Variants in AEBP2 observed in about 807,000 individuals in gnomAD.
The protein encoded by AEBP2 is AE binding protein 2.
AEBP2 carries 10 observed loss-of-function variants against 50.8 expected under a neutral mutation model. That is an observed-to-expected ratio of 0.20 (90% CI 0.12 to 0.33). The LOEUF is 0.33. Ranked by LOEUF, AEBP2 falls within the 10% of genes least tolerant of loss-of-function variation. The probability of loss-of-function intolerance (pLI) is 1.00; values close to 1 mark genes in which losing one functional copy is unlikely to be tolerated. For synonymous variants in AEBP2, 296 were observed against 261.3 expected, an observed-to-expected ratio of 1.13 and a Z score of -1.28; for missense variants, 570 against 688.0, an observed-to-expected ratio of 0.83 and a Z score of 1.92.
chr12:19,497,587 G>C (rs79283586), intron 4 of AEBP2, among the ~76,000 whole-genome samples: 1 of 151,898 alleles, frequency 6.6e-6, no homozygotes, highest in African/African-American at 2.4e-5. Context: ...ATTCCCGTGC[G>C]TCAGCTTCTT....
chr12:19,424,917 G>T (rs2095747766), intron 1 of AEBP2, among the ~76,000 whole-genome samples: 1 of 152,066 alleles, frequency 6.6e-6, no homozygotes, highest in African/African-American at 2.4e-5. Context: ...GCTGAGGCGG[G>T]AGAATCACTT....
chr12:19,445,504 G>A (rs1342417621), intron 1 of AEBP2, among the ~76,000 whole-genome samples: 2 of 151,878 alleles, frequency 1.3e-5, no homozygotes, highest in East Asian at 1.9e-4. Flanking sequence ...ATGAGCCACC[G>A]TGCCCGGCCT....
chr12:19,405,314 A>G (rs1236826478), intron 1 of AEBP2, among the ~76,000 whole-genome samples: 1 of 150,684 alleles, frequency 6.6e-6, no homozygotes, highest in Non-Finnish European at 1.5e-5. Context: ...TGGAATTGTT[A>G]TTTTTATTTT....
chr12:19,457,202 C>T (rs1447540289), intron 1 of AEBP2: 27 of 1,598,106 alleles, frequency 1.7e-5, no homozygotes, highest in Non-Finnish European at 2.1e-5. Context: ...AGTTGTTTCA[C>T]ACCCAGTGTG....
At position 19,440,212 on chromosome 12, in the gene AEBP2, C is replaced by CG; in HGVS notation, c.518dup (p.Gly174ArgfsTer4). ...GACCGCGGGGCAGCCAGGGCGGCGG[C>CG]GGGGGCGGCAGCAGTAGCAGCAGCG... On this transcript the variant is annotated frameshift_variant, in exon 1 of 8. Coordinates refer to ENST00000266508, the MANE Select transcript of AEBP2 (RefSeq NM_153207.5). LOFTEE classifies it high-confidence loss of function. 6.9e-7 allele frequency: 1 copy of CG among 1,454,104 alleles called. No homozygotes were observed. Among genetic ancestry groups the CG allele is most frequent in the Non-Finnish European group, 9.0e-7 (1 of 1,115,716 alleles). 90.1% of individuals were successfully genotyped at this position (1,454,104 alleles called of 1,614,324 possible).
At chr12:19,510,536 G>A (rs972023118) in intron 5 of AEBP2, among the ~76,000 whole-genome samples, 4 of 152,182 alleles carry the variant, frequency 2.6e-5, no homozygotes, top group East Asian at 1.9e-4. Flanking sequence ...AATTGCCTGA[G>A]TTAAAATGAG....
intron 3 of AEBP2, among the ~76,000 whole-genome samples, chr12:19,483,533 A>G (rs909843780): frequency 6.6e-6 from 1 of 152,140 alleles, no homozygotes; most frequent in Non-Finnish European, 1.5e-5. Flanking sequence ...TCTTGAAGCA[A>G]AAGTTCACGG....
chr12:19,484,071 T>TTTGG (rs1308813175), intron 3 of AEBP2, among the ~76,000 whole-genome samples: 1 of 151,956 alleles, frequency 6.6e-6, no homozygotes, highest in African/African-American at 2.4e-5. Flanking sequence ...ATTACATCTT[T>TTTGG]TTGTTTGTTT....
intron 3 of AEBP2, among the ~76,000 whole-genome samples, chr12:19,486,898 T>C (rs570325230): frequency 1.3e-5 from 2 of 152,178 alleles, no homozygotes; most frequent in African/African-American, 4.8e-5. Flanking sequence ...CCTCCAACGA[T>C]CTACCCGCCT....
At chr12:19,443,814 G>C (rs933876506) in intron 1 of AEBP2, among the ~76,000 whole-genome samples, 4 of 152,152 alleles carry the variant, frequency 2.6e-5, no homozygotes, top group Non-Finnish European at 4.4e-5. Context: ...GGTAAAAAGT[G>C]ACTAATTTAT....
intron 1 of AEBP2, among the ~76,000 whole-genome samples, chr12:19,412,032 G>T (rs1305458219): frequency 6.6e-6 from 1 of 152,222 alleles, no homozygotes; most frequent in Non-Finnish European, 1.5e-5. Context: ...TGCTGCGCAG[G>T]TTCTGTACTA....
intron 1 of AEBP2, among the ~76,000 whole-genome samples, chr12:19,414,138 C>T (rs571473413): frequency 3.6e-4 from 55 of 152,142 alleles, no homozygotes; most frequent in Admixed American, 2.7e-3. Flanking sequence ...GTGATCCTCC[C>T]GCCTCAGCCT....
chr12:19,436,095 G>C (rs749218437), upstream of AEBP2, among the ~76,000 whole-genome samples: 5 of 152,156 alleles, frequency 3.3e-5, no homozygotes, highest in Non-Finnish European at 5.9e-5. Context: ...AAAGGATGTG[G>C]TAAAGAAGCT....
At chr12:19,426,162 C>T (rs1280824733) in intron 1 of AEBP2, among the ~76,000 whole-genome samples, 25 of 152,062 alleles carry the variant, frequency 1.6e-4, no homozygotes, top group Admixed American at 3.9e-4. Context: ...TCTCAAACTC[C>T]GGAGCTCAAG....
At chr12:19,490,182 C>T (rs544843912) in intron 3 of AEBP2, among the ~76,000 whole-genome samples, 10 of 151,828 alleles carry the variant, frequency 6.6e-5, no homozygotes, top group African/African-American at 2.4e-4. Flanking sequence ...GTTCTAGATG[C>T]TACTAGGGCC....
chr12:19,496,894 G>C (rs1948990777), intron 4 of AEBP2, among the ~76,000 whole-genome samples: 2 of 151,558 alleles, frequency 1.3e-5, no homozygotes, highest in South Asian at 4.2e-4. Flanking sequence ...TTGAGCTCTT[G>C]AGCTCAAATG....
upstream of AEBP2, among the ~76,000 whole-genome samples, chr12:19,435,241 C>A (rs1462249280): frequency 4.0e-5 from 6 of 151,252 alleles, no homozygotes; most frequent in Non-Finnish European, 7.4e-5. Context: ...GATCCTCCCA[C>A]CTCAGCCTCC....
chr12:19,431,488 T>G (rs575618955), intron 1 of AEBP2, among the ~76,000 whole-genome samples: 188 of 152,334 alleles, frequency 1.2e-3, no homozygotes, highest in Middle Eastern at 3.4e-3. Context: ...GCTATTCACC[T>G]TTCACATTTT....
At chr12:19,443,339 C>T (rs1472766290) in intron 1 of AEBP2, among the ~76,000 whole-genome samples, 2 of 151,564 alleles carry the variant, frequency 1.3e-5, no homozygotes, top group Non-Finnish European at 1.5e-5. Flanking sequence ...TCAAATGATC[C>T]TCCCACCTGG....
Sources: gnomAD v4.1 joint callset for allele counts (sites outside exome capture counted in the v4.1 genomes callset) on GRCh38, gnomAD v4.1.1 for gene constraint, MANE v1.5 for transcripts, NCBI Gene and HGNC (gene_info 2026-07-23, HGNC 2026-07-21) for gene names.